NALF1: variants seen among roughly 807,000 people sequenced by gnomAD.
NALF1 encodes family with sequence similarity 155 member A.
In NALF1, 3 loss-of-function variants were observed where a neutral mutation model predicts 48.4. That is an observed-to-expected ratio of 0.06 (90% CI 0.03 to 0.16). The LOEUF is 0.16. Among genes scored for constraint, NALF1 ranks in the 10% least tolerant of loss-of-function variants. The probability of loss-of-function intolerance (pLI) is 1.00; values close to 1 mark genes in which losing one functional copy is unlikely to be tolerated. For synonymous variants in NALF1, 262 were observed against 245.7 expected (o/e 1.07, Z -0.62); for missense variants, 526 against 571.5 (o/e 0.92, Z 0.81).
At chr13:107,782,781 C>T (rs1269940396) in intron 1 of NALF1, among the ~76,000 whole-genome samples, 4 of 151,708 alleles carry the variant, frequency 2.6e-5, no homozygotes, top group South Asian at 4.2e-4. Flanking sequence ...TCTGCCCAGC[C>T]GCCCCATCTG....
chr13:107,836,698 GC>G (rs1303986340), intron 1 of NALF1, among the ~76,000 whole-genome samples: 2 of 152,106 alleles, frequency 1.3e-5, no homozygotes, highest in African/African-American at 2.4e-5. Context: ...GAAAGTCCTC[GC>G]CTGATTTCAA....
chr13:107,489,806 C>A (rs948243456), intron 1 of NALF1, among the ~76,000 whole-genome samples: 6 of 152,082 alleles, frequency 3.9e-5, no homozygotes, highest in African/African-American at 1.4e-4. Flanking sequence ...AACAGACAAC[C>A]CATGGAATGG....
chr13:107,617,899 T>G (rs764652145), intron 1 of NALF1, among the ~76,000 whole-genome samples: 1 of 152,144 alleles, frequency 6.6e-6, no homozygotes, highest in Non-Finnish European at 1.5e-5. Flanking sequence ...CCCTTGAAAT[T>G]TTGCTTTATC....
intron 1 of NALF1, among the ~76,000 whole-genome samples, chr13:107,849,665 C>A (rs1209412947): frequency 6.6e-6 from 1 of 152,198 alleles, no homozygotes; most frequent in Non-Finnish European, 1.5e-5. Context: ...CTTTTATCAT[C>A]TACCTTGGAA....
intron 1 of NALF1, among the ~76,000 whole-genome samples, chr13:107,593,824 A>C (rs1397621189): frequency 6.6e-6 from 1 of 151,876 alleles, no homozygotes; most frequent in African/African-American, 2.4e-5. Flanking sequence ...ACAGGAAAAA[A>C]AAAAAAACAG....
Position 107,588,018 on chromosome 13 carries a change from G to C in NALF1, c.915+277664C>G, listed in dbSNP as rs558817200. Among the ~76,000 whole-genome samples the C allele has an allele frequency of 1.6e-3, 242 of 152,180 alleles. 1 individual carries two copies. The highest frequency in any genetic ancestry group is 5.5e-3 in the African/African-American group (228 of 41,552). Reference sequence around the variant, plus strand: ...AATATTCTCTTGCTTACTTTACCAAGAGACTTTATTCCCAGAGTGCTATTT... The same window carrying C: ...AATATTCTCTTGCTTACTTTACCAACAGACTTTATTCCCAGAGTGCTATTT... On this transcript the variant is annotated intron_variant, in intron 1 of 2. Transcript: ENST00000375915.
intron 2 of NALF1, 70 bp from the exon 3 acceptor site, chr13:107,170,856 T>A (rs1878788315): frequency 4.9e-6 from 7 of 1,423,482 alleles, no homozygotes; most frequent in Non-Finnish European, 6.8e-6. Flanking sequence ...GTGAAGCTGT[T>A]GCTTTAACAT....
At chr13:107,322,193 C>T (rs1882270131) in intron 1 of NALF1, among the ~76,000 whole-genome samples, 1 of 152,126 alleles carries the variant, frequency 6.6e-6, no homozygotes, top group South Asian at 2.1e-4. Context: ...CTTCAAGTTG[C>T]TATTTTTCCT....
chr13:107,324,262 C>T (rs369233948), intron 1 of NALF1, among the ~76,000 whole-genome samples: 36 of 152,188 alleles, frequency 2.4e-4, no homozygotes, highest in African/African-American at 7.2e-4. Flanking sequence ...TAATCAAAGA[C>T]GTATTTCAAA....
chr13:107,272,561 A>C (rs1416406053), intron 1 of NALF1, among the ~76,000 whole-genome samples: 1 of 151,712 alleles, frequency 6.6e-6, no homozygotes, highest in Non-Finnish European at 1.5e-5. Flanking sequence ...TTTTGGAGCT[A>C]TCTCTTCACT....
At chr13:107,445,595 G>A (rs1270054863) in intron 1 of NALF1, among the ~76,000 whole-genome samples, 3 of 152,144 alleles carry the variant, frequency 2.0e-5, no homozygotes. Context: ...GCAATTACTG[G>A]TTCATATGGT....
chr13:107,358,636 T>C (rs142968921), intron 1 of NALF1, among the ~76,000 whole-genome samples: 59 of 152,192 alleles, frequency 3.9e-4, no homozygotes, highest in African/African-American at 1.3e-3. Context: ...GTGTTGGAAA[T>C]TAAAAATGCA....
intron 1 of NALF1, among the ~76,000 whole-genome samples, chr13:107,694,733 A>C (rs1881659312): frequency 6.6e-6 from 1 of 152,180 alleles, no homozygotes; most frequent in Admixed American, 6.5e-5. Context: ...TTCACTTAGA[A>C]AACAGATTTA....
chr13:107,774,882 TC>T (rs1294125931), intron 1 of NALF1, among the ~76,000 whole-genome samples: 1 of 152,116 alleles, frequency 6.6e-6, no homozygotes, highest in East Asian at 1.9e-4. Flanking sequence ...GGCTCTTTCT[TC>T]CCTGATATCT....
At chr13:107,813,673 C>CA (rs5806695) in intron 1 of NALF1, among the ~76,000 whole-genome samples, 96 of 142,066 alleles carry the variant, frequency 6.8e-4, no homozygotes, top group South Asian at 1.3e-3. Flanking sequence ...AGAAGACCAG[C>CA]AAAAAAAAAA....
At chr13:107,374,851 A>G (rs1883309566) in intron 1 of NALF1, among the ~76,000 whole-genome samples, 1 of 152,132 alleles carries the variant, frequency 6.6e-6, no homozygotes, top group Admixed American at 6.6e-5. Flanking sequence ...ATGCAGCAAG[A>G]AGGCTCTGAC....
chr13:107,516,349 G>C (rs966098343), intron 1 of NALF1, among the ~76,000 whole-genome samples: 1 of 152,136 alleles, frequency 6.6e-6, no homozygotes, highest in African/African-American at 2.4e-5. Flanking sequence ...AAAGCATGTG[G>C]TATTTACTTG....
chr13:107,361,065 C>T (rs936860405), intron 1 of NALF1, among the ~76,000 whole-genome samples: 1 of 152,116 alleles, frequency 6.6e-6, no homozygotes, highest in Non-Finnish European at 1.5e-5. Flanking sequence ...TCAAGTCTTA[C>T]ACATATAAAG....
intron 2 of NALF1, among the ~76,000 whole-genome samples, chr13:107,173,735 C>T (rs546081859): frequency 3.3e-5 from 5 of 152,258 alleles, no homozygotes; most frequent in African/African-American, 1.2e-4. Context: ...TTCCAAGATG[C>T]CATATGCCTT....
Sources: gnomAD v4.1 joint callset for allele counts (sites outside exome capture counted in the v4.1 genomes callset) on GRCh38, gnomAD v4.1.1 for gene constraint, MANE v1.5 for transcripts, NCBI Gene and HGNC (gene_info 2026-07-23, HGNC 2026-07-21) for gene names.